Variants in REEP1 observed in about 807,000 individuals in gnomAD.
REEP1 encodes receptor expression-enhancing protein 1.
REEP1 carries 22 observed loss-of-function variants against 40.3 expected under a neutral mutation model. The observed-to-expected ratio is 0.55, with a 90% CI of 0.39 to 0.78. The LOEUF (loss-of-function observed/expected upper bound fraction) is 0.78. REEP1 is among the 30% of genes least tolerant of loss of function. The probability of loss-of-function intolerance (pLI) is 0.00; values close to 1 mark genes in which losing one functional copy is unlikely to be tolerated. For missense variants in REEP1, 280 were observed against 361.1 expected (o/e 0.78, Z 1.82); for synonymous variants, 116 against 139.2 (o/e 0.83, Z 1.17).
intron 5 of REEP1, among the ~76,000 whole-genome samples, chr2:86,234,439 G>A (rs1355385429): frequency 2.6e-5 from 4 of 152,246 alleles, no homozygotes; most frequent in African/African-American, 7.2e-5. Flanking sequence ...GACCGCCTGA[G>A]CCCAAGAGGT....
chr2:86,217,200 TC>T, intron 8 of REEP1, 90 bp from the exon 9 acceptor site: 2 of 1,140,750 alleles, frequency 1.8e-6, no homozygotes, highest in Middle Eastern at 4.1e-4. Flanking sequence ...TGTTGAGACT[TC>T]CAGCTCCTTT....
chr2:86,316,548 C>CA (rs58561932), intron 1 of REEP1, among the ~76,000 whole-genome samples: 13,841 of 70,350 alleles, frequency 0.2, 3,459 homozygotes, highest in African/African-American at 0.61. Flanking sequence ...AACTCTGTCT[C>CA]AAAAAAAAAA....
At chr2:86,264,953 T>C (rs1574054196) in intron 2 of REEP1, among the ~76,000 whole-genome samples, 1 of 152,072 alleles carries the variant, frequency 6.6e-6, no homozygotes, top group African/African-American at 2.4e-5. Flanking sequence ...TCCAGAGTCT[T>C]ATTTGTCCAA....
At chr2:86,293,031 C>T (rs893586207) in intron 1 of REEP1, among the ~76,000 whole-genome samples, 5 of 152,174 alleles carry the variant, frequency 3.3e-5, no homozygotes, top group Non-Finnish European at 7.3e-5. Flanking sequence ...CTATCCATTC[C>T]CTCTTACACA....
At chr2:86,264,346 G>T (rs1016937840) in intron 2 of REEP1, among the ~76,000 whole-genome samples, 1 of 152,096 alleles carries the variant, frequency 6.6e-6, no homozygotes. Context: ...CAGAACATCA[G>T]GGGAGAAAAT....
At chr2:86,323,399 G>A (rs1024977051) in intron 1 of REEP1, among the ~76,000 whole-genome samples, 3 of 151,778 alleles carry the variant, frequency 2.0e-5, no homozygotes, top group East Asian at 1.9e-4. Context: ...AGACAAGGAC[G>A]GAGACTGGTC....
At chr2:86,222,876 A>G (rs1259986921) in intron 7 of REEP1, among the ~76,000 whole-genome samples, 1 of 152,242 alleles carries the variant, frequency 6.6e-6, no homozygotes, top group Non-Finnish European at 1.5e-5. Flanking sequence ...GTAGCTGGGT[A>G]GAAAATCCCA....
intron 3 of REEP1, among the ~76,000 whole-genome samples, chr2:86,263,179 G>C (rs1676954451): frequency 6.6e-6 from 1 of 152,140 alleles, no homozygotes; most frequent in African/African-American, 2.4e-5. Context: ...TTAAAAAAAA[G>C]AAGTGTGTGT....
At chr2:86,270,854 AC>A (rs1335789051) in intron 2 of REEP1, among the ~76,000 whole-genome samples, 1 of 152,112 alleles carries the variant, frequency 6.6e-6, no homozygotes, top group Non-Finnish European at 1.5e-5. Context: ...AGAATGGAGA[AC>A]AAAAAAAAAC....
At chr2:86,256,128 C>A (rs1277024181) in intron 3 of REEP1, among the ~76,000 whole-genome samples, 1 of 151,960 alleles carries the variant, frequency 6.6e-6, no homozygotes, top group Non-Finnish European at 1.5e-5. Flanking sequence ...GTGGGTGGAT[C>A]ACAAGGTCAG....
chr2:86,270,171 TTTTGTTTG>T (rs199623683), intron 2 of REEP1, among the ~76,000 whole-genome samples: 16,084 of 109,112 alleles, frequency 0.15, 1,431 homozygotes, highest in East Asian at 0.45. Flanking sequence ...ATCATTTTTC[TTTTGTTTG>T]TTTGTTTGTT....
At chr2:86,330,762 T>C (rs1446248937) in intron 1 of REEP1, among the ~76,000 whole-genome samples, 3 of 152,072 alleles carry the variant, frequency 2.0e-5, no homozygotes, top group Non-Finnish European at 4.4e-5. Context: ...TGATGTCTTA[T>C]AACGATAAGA....
At chr2:86,266,937 G>A (rs1334648940) in intron 2 of REEP1, among the ~76,000 whole-genome samples, 1 of 151,742 alleles carries the variant, frequency 6.6e-6, no homozygotes, top group Non-Finnish European at 1.5e-5. Context: ...AACCCAGGGG[G>A]AAGAGGTTGC....
intron 1 of REEP1, 44 bp from the exon 2 acceptor site, chr2:86,282,286 C>G (rs775442593): frequency 2.1e-6 from 3 of 1,400,338 alleles, no homozygotes; most frequent in Non-Finnish European, 3.0e-6. Flanking sequence ...TTTCATTTAT[C>G]TTATTTAATG....
chr2:86,298,036 G>C (rs1679067162), intron 1 of REEP1, among the ~76,000 whole-genome samples: 1 of 152,200 alleles, frequency 6.6e-6, no homozygotes, highest in African/African-American at 2.4e-5. Context: ...AGACATCCTG[G>C]GGGAAGTGGA....
At chr2:86,281,415 G>T (rs1346826338) in intron 2 of REEP1, among the ~76,000 whole-genome samples, 2 of 152,176 alleles carry the variant, frequency 1.3e-5, no homozygotes, top group African/African-American at 4.8e-5. Context: ...AGATCACGAG[G>T]TCAGGAGTTC....
chr2:86,310,329 G>A (rs1679701834), intron 1 of REEP1, among the ~76,000 whole-genome samples: 2 of 152,134 alleles, frequency 1.3e-5, no homozygotes, highest in African/African-American at 4.8e-5. Flanking sequence ...TGTCTTCTAT[G>A]TTTAGATACA....
At chr2:86,221,314 G>A (rs547170092) in intron 7 of REEP1, among the ~76,000 whole-genome samples, 1 of 152,330 alleles carries the variant, frequency 6.6e-6, no homozygotes, top group Non-Finnish European at 1.5e-5. Flanking sequence ...CTGAATTTTA[G>A]GCTGGGGTGT....
intron 1 of REEP1, among the ~76,000 whole-genome samples, chr2:86,327,492 A>G (rs1330692914): frequency 3.3e-5 from 5 of 151,810 alleles, no homozygotes; most frequent in African/African-American, 1.2e-4. Context: ...GTTGTTGACA[A>G]TGGTAAGGAC....
Sources: gnomAD v4.1 joint callset for allele counts (sites outside exome capture counted in the v4.1 genomes callset) on GRCh38, gnomAD v4.1.1 for gene constraint, MANE v1.5 for transcripts, NCBI Gene and HGNC (gene_info 2026-07-23, HGNC 2026-07-21) for gene names.